Variants in PRSS23 observed in about 807,000 individuals in gnomAD.
The protein encoded by PRSS23 is serine protease 23.
A neutral mutation model predicts 34.7 loss-of-function variants in PRSS23; 25 were observed. The observed-to-expected ratio is 0.72, with a 90% CI of 0.53 to 1.01. The LOEUF is 1.01. Among genes scored for constraint, PRSS23 ranks in the 50% least tolerant of loss-of-function variants. The probability of loss-of-function intolerance (pLI) is 0.00; values close to 1 mark genes in which losing one functional copy is unlikely to be tolerated. For synonymous variants in PRSS23, 176 were observed against 186.6 expected, an observed-to-expected ratio of 0.94 and a Z score of 0.46; for missense variants, 445 against 475.6, an observed-to-expected ratio of 0.94 and a Z score of 0.60.
exon 3 of PRSS23, chr11:86,952,378 T>C (rs1445233254): frequency 1.2e-6 from 2 of 1,614,170 alleles, no homozygotes; most frequent in Non-Finnish European, 1.7e-6. Context: ...GTTCACAGCG[T>C]CTCTTGACTG....
chr11:86,923,936 A>G (rs80091107), intron 2 of PRSS23, among the ~76,000 whole-genome samples: 2,641 of 152,328 alleles, frequency 0.017, 36 homozygotes, highest in Non-Finnish European at 0.027. Context: ...TCCCTAAGAT[A>G]TATTTCCTTG....
chr11:86,813,175 C>T (rs943466265), downstream of PRSS23, among the ~76,000 whole-genome samples: 4 of 152,288 alleles, frequency 2.6e-5, no homozygotes, highest in South Asian at 2.1e-4. Context: ...CTGTCTCCTG[C>T]GCACCTTTAT....
intron 2 of PRSS23, among the ~76,000 whole-genome samples, chr11:86,850,671 G>A (rs1439185666): frequency 1.3e-5 from 2 of 152,056 alleles, no homozygotes; most frequent in Non-Finnish European, 2.9e-5. Context: ...AAACTAAAAG[G>A]AATGTTAACT....
chr11:86,834,459 C>A (rs1045849366), intron 2 of PRSS23, among the ~76,000 whole-genome samples: 4 of 151,866 alleles, frequency 2.6e-5, no homozygotes, highest in African/African-American at 9.7e-5. Flanking sequence ...AAGCGTCCTG[C>A]CTTGCGGTTC....
intron 2 of PRSS23, among the ~76,000 whole-genome samples, chr11:86,888,900 C>T (rs750844354): frequency 1.8e-4 from 27 of 152,192 alleles, no homozygotes; most frequent in Admixed American, 6.5e-5. Flanking sequence ...GGCAAGTTTG[C>T]CCCTGGGAAC....
intron 2 of PRSS23, among the ~76,000 whole-genome samples, chr11:86,830,459 C>T (rs1948344637): frequency 6.6e-6 from 1 of 152,182 alleles, no homozygotes; most frequent in Non-Finnish European, 1.5e-5. Flanking sequence ...GAGGCAGTGC[C>T]TCGCCCTGCT....
rs569322054 is a variant in PRSS23 at position 86,848,202 on chromosome 11, A to G, written c.206+24609A>G. Among the ~76,000 whole-genome samples, 3 of 152,360 alleles carry G rather than the reference A, an allele frequency of 2.0e-5. No individual in the cohort carries two copies. The East Asian group carries it at 5.8e-4, about 29-fold the overall frequency. ...CATATACATGTCCTGCAAGGATTAG[A>G]GCAGTCCTTTGATCTAACATGGAGA... On this transcript the variant is annotated intron_variant, in intron 2 of 2. Coordinates refer to the PRSS23 transcript ENST00000533902.
chr11:86,912,567 C>T (rs1416076885), intron 2 of PRSS23, among the ~76,000 whole-genome samples: 1 of 152,170 alleles, frequency 6.6e-6, no homozygotes, highest in Non-Finnish European at 1.5e-5. Flanking sequence ...CTGTGAAGTT[C>T]AATCAGGGAA....
chr11:86,915,568 T>C (rs1041203267), intron 2 of PRSS23, among the ~76,000 whole-genome samples: 6 of 148,178 alleles, frequency 4.0e-5, no homozygotes, highest in Admixed American at 6.8e-5. Flanking sequence ...AACTAATATA[T>C]AATGTATATA....
At chr11:86,949,773 A>G (rs2135037532) in intron 2 of PRSS23, 1 of 152,762 alleles carries the variant, frequency 6.5e-6, no homozygotes, top group Non-Finnish European at 1.5e-5. Flanking sequence ...CTACTAACCA[A>G]TCAGGCTTCT....
At chr11:86,892,069 CA>C (rs1948845211) in intron 2 of PRSS23, 2 of 152,250 alleles carry the variant, frequency 1.3e-5, no homozygotes, top group Non-Finnish European at 2.9e-5. Flanking sequence ...TAAAATAGAG[CA>C]CCTTGTCCAA....
chr11:86,838,163 G>C (rs557497147), intron 2 of PRSS23, among the ~76,000 whole-genome samples: 1 of 151,556 alleles, frequency 6.6e-6, no homozygotes, highest in East Asian at 1.9e-4. Context: ...AATTTGATCT[G>C]CATTGACACA....
chr11:86,822,946 C>T (rs1211696592), intron 1 of PRSS23, among the ~76,000 whole-genome samples: 1 of 152,130 alleles, frequency 6.6e-6, no homozygotes, highest in Non-Finnish European at 1.5e-5. Context: ...GGCTACAACT[C>T]GGGGGTGAGT....
intron 2 of PRSS23, among the ~76,000 whole-genome samples, chr11:86,899,183 T>G (rs1393833639): frequency 6.6e-6 from 1 of 152,062 alleles, no homozygotes; most frequent in Non-Finnish European, 1.5e-5. Context: ...CATGGTGCAC[T>G]GCTAGGGGAG....
chr11:86,847,858 C>T (rs1490601038), intron 2 of PRSS23, among the ~76,000 whole-genome samples: 2 of 152,084 alleles, frequency 1.3e-5, no homozygotes, highest in Non-Finnish European at 2.9e-5. Context: ...CTTTCTTTGC[C>T]CTTCTTGACA....
intron 1 of PRSS23, among the ~76,000 whole-genome samples, chr11:86,804,581 T>A (rs1410936632): frequency 1.3e-5 from 2 of 152,244 alleles, no homozygotes; most frequent in Non-Finnish European, 2.9e-5. Flanking sequence ...CCTGTTGGGT[T>A]AGCAGTTTGT....
At chr11:86,947,905 T>C (rs1434166461) in intron 2 of PRSS23, 1 of 152,182 alleles carries the variant, frequency 6.6e-6, no homozygotes, top group Non-Finnish European at 1.5e-5. Flanking sequence ...TACTGTAGGT[T>C]TCAGAGAAAG....
intron 2 of PRSS23, chr11:86,832,953 A>G: frequency 2.7e-6 from 1 of 371,388 alleles, no homozygotes; most frequent in Non-Finnish European, 5.2e-6. Context: ...TCCTTGATGC[A>G]GGTCATTTGT....
At chr11:86,820,506 C>G (rs182891118) in intron 1 of PRSS23, among the ~76,000 whole-genome samples, 173 of 152,204 alleles carry the variant, frequency 1.1e-3, no homozygotes, top group African/African-American at 3.8e-3. Flanking sequence ...ATGTACCAGT[C>G]CATTGTTGCA....
Sources: gnomAD v4.1 joint callset for allele counts (sites outside exome capture counted in the v4.1 genomes callset) on GRCh38, gnomAD v4.1.1 for gene constraint, MANE v1.5 for transcripts, NCBI Gene and HGNC (gene_info 2026-07-23, HGNC 2026-07-21) for gene names.